The following SIRT1 variants were observed in gnomAD, a reference collection of about 807,000 sequenced individuals.
SIRT1 encodes the protein NAD-dependent protein deacetylase sirtuin-1.
SIRT1 carries 24 observed loss-of-function variants against 67.9 expected under a neutral mutation model. That is an observed-to-expected ratio of 0.35 (90% CI 0.26 to 0.50). SIRT1 has a LOEUF of 0.50. Among genes scored for constraint, SIRT1 ranks in the 20% least tolerant of loss-of-function variants. The probability of loss-of-function intolerance (pLI) is 0.98; values close to 1 mark genes in which losing one functional copy is unlikely to be tolerated. For missense variants in SIRT1, 873 were observed against 937.2 expected, an observed-to-expected ratio of 0.93 and a Z score of 0.89; for synonymous variants, 378 against 350.7, an observed-to-expected ratio of 1.08 and a Z score of -0.87.
At chr10:67,885,682 A>G (rs373936961) in intron 1 of SIRT1, among the ~76,000 whole-genome samples, 22 of 152,132 alleles carry the variant, frequency 1.4e-4, no homozygotes, top group East Asian at 9.6e-4. Context: ...AGCTGTTTCT[A>G]TAGTCACAGC....
intron 2 of SIRT1, among the ~76,000 whole-genome samples, chr10:67,888,053 AT>A (rs1489933046): frequency 1.3e-5 from 2 of 152,214 alleles, no homozygotes; most frequent in Non-Finnish European, 2.9e-5. Context: ...GGGAGCAGGA[AT>A]TTTTGACTGA....
intron 1 of SIRT1, among the ~76,000 whole-genome samples, chr10:67,886,780 A>G (rs560422028): frequency 6.6e-6 from 1 of 152,260 alleles, no homozygotes; most frequent in South Asian, 2.1e-4. Context: ...GTTTTTATGT[A>G]AATGTCCATT....
Position 67,897,155 on chromosome 10 carries a change from C to CA in SIRT1, c.942+5611dup, listed in dbSNP as rs1221154308. 2.7e-3 allele frequency among the ~76,000 whole-genome samples: 388 copies of CA among 145,240 alleles called. 3 individuals carry two copies. The highest frequency in any genetic ancestry group is 7.9e-3 in the African/African-American group (316 of 39,758). On this transcript the variant is annotated intron_variant, in intron 4 of 8. Coordinates refer to ENST00000212015, the MANE Select transcript of SIRT1 (RefSeq NM_012238.5). ...TGATTGACAGAGTGAGACTCCATCT[C>CA]AAAAAAAAAAGAAATTACTCTCTGA...
chr10:67,895,040 G>A (rs906131736), intron 4 of SIRT1, among the ~76,000 whole-genome samples: 5 of 151,946 alleles, frequency 3.3e-5, no homozygotes, highest in African/African-American at 4.8e-5. Context: ...TATGGTAATG[G>A]TTAAATCAGC....
intron 4 of SIRT1, among the ~76,000 whole-genome samples, chr10:67,899,816 G>A (rs1053534480): frequency 6.6e-6 from 1 of 152,044 alleles, no homozygotes; most frequent in Admixed American, 6.6e-5. Context: ...CAGGTGCGGT[G>A]GCTCACACCT....
chr10:67,909,284 C>A lies in SIRT1; in HGVS notation c.1199C>A (p.Ala400Asp). Residue 400 changes from alanine (A) to aspartate (D), a missense_variant, in exon 7 of 9, where the codon GCT (alanine) becomes GAT (aspartate). This residue lies in a region of SIRT1 where 251 missense variants were observed against 358.8 expected (regional missense o/e 0.70). Transcript: ENST00000212015. ...QVVPRCPRCP[A>D]DEPLAIMKPE... ...GTTCCTCGATGTCCTAGGTGCCCAG[C>A]TGATGAACCGCTTGCTATCATGAAA... The A allele has an allele frequency of 6.2e-7, 1 of 1,610,130 alleles. No homozygotes were observed. The highest frequency in any genetic ancestry group is 8.5e-7 in the Non-Finnish European group (1 of 1,178,494).
At chr10:67,909,822 GTC>G (rs1421794568) in intron 7 of SIRT1, among the ~76,000 whole-genome samples, 2 of 152,064 alleles carry the variant, frequency 1.3e-5, no homozygotes, top group South Asian at 4.2e-4. Flanking sequence ...TGATCCGCCT[GTC>G]TCTGCCTTCT....
intron 8 of SIRT1, among the ~76,000 whole-genome samples, chr10:67,914,549 C>T (rs1398867157): frequency 6.6e-6 from 1 of 152,210 alleles, no homozygotes. Flanking sequence ...AAAATTGCTA[C>T]TGACTTAGAT....
At chr10:67,889,833 C>G (rs1842540892) in intron 3 of SIRT1, among the ~76,000 whole-genome samples, 1 of 152,116 alleles carries the variant, frequency 6.6e-6, no homozygotes, top group Admixed American at 6.6e-5. Context: ...CTTAAATTGA[C>G]CTTGACTCCA....
intron 4 of SIRT1, among the ~76,000 whole-genome samples, chr10:67,898,946 A>G (rs996643517): frequency 2.6e-5 from 4 of 152,156 alleles, no homozygotes; most frequent in African/African-American, 4.8e-5. Flanking sequence ...ATGGTTATTT[A>G]TGAAGTGGTG....
intron 4 of SIRT1, among the ~76,000 whole-genome samples, chr10:67,904,700 C>G (rs1441162908): frequency 6.6e-6 from 1 of 151,984 alleles, no homozygotes; most frequent in East Asian, 1.9e-4. Flanking sequence ...ACAAAATTAG[C>G]TGGGGTGGTG....
intron 2 of SIRT1, among the ~76,000 whole-genome samples, chr10:67,888,555 C>T (rs1019738164): frequency 6.6e-6 from 1 of 152,006 alleles, no homozygotes; most frequent in Non-Finnish European, 1.5e-5. Context: ...TTTTCTATGT[C>T]GTAGAACCCT....
At chr10:67,903,726 T>G (rs937031742) in intron 4 of SIRT1, among the ~76,000 whole-genome samples, 1 of 152,166 alleles carries the variant, frequency 6.6e-6, no homozygotes, top group Non-Finnish European at 1.5e-5. Flanking sequence ...TTTGACCACG[T>G]TGGTTGCCTA....
chr10:67,913,834 C>T (rs1269159239), intron 8 of SIRT1, among the ~76,000 whole-genome samples: 1 of 152,140 alleles, frequency 6.6e-6, no homozygotes, highest in Non-Finnish European at 1.5e-5. Context: ...TTTTAGACAA[C>T]TGTATTTGAG....
chr10:67,908,008 C>T (rs202131309), intron 5 of SIRT1, 38 bp from the exon 6 acceptor site: 13 of 1,525,830 alleles, frequency 8.5e-6, no homozygotes, highest in Non-Finnish European at 1.2e-5. Flanking sequence ...AACAGAAATA[C>T]TTCTTTAATA....
At chr10:67,898,525 C>T (rs1205032513) in intron 4 of SIRT1, among the ~76,000 whole-genome samples, 1 of 152,078 alleles carries the variant, frequency 6.6e-6, no homozygotes, top group African/African-American at 2.4e-5. Flanking sequence ...CTAGAACAAG[C>T]TTATTAAAAA....
intron 4 of SIRT1, chr10:67,906,368 T>C: frequency 1.4e-6 from 2 of 1,427,864 alleles, no homozygotes; most frequent in Non-Finnish European, 1.9e-6. Flanking sequence ...ATTTTAAATA[T>C]TCTTGTATTG....
In SIRT1 at chr10:67,885,136, G is replaced by A; in HGVS notation, c.415G>A (p.Ala139Thr). The change falls in exon 1 of 9, where the codon GCG (alanine) becomes ACG (threonine). Residue 139 changes from alanine to threonine, a missense_variant. Physicochemically the swap from Ala to Thr is moderately conservative, Grantham distance 58. Transcript: ENST00000212015. ...GEEEEEAAAA[A>T]IGYRDNLLFG... The stretch of plus-strand genomic sequence containing the variant: ...GGAGGAGGAAGAGGCGGCGGCGGCG[G>A]CGATTGGGTACCGAGGTGCGCAGGG... 1 of 1,427,226 alleles carries A rather than the reference G, an allele frequency of 7.0e-7. No homozygotes were observed. Among genetic ancestry groups the A allele is most frequent in the Non-Finnish European group, 9.2e-7 (1 of 1,084,790 alleles). 88.4% of individuals were successfully genotyped at this position (1,427,226 alleles called of 1,614,324 possible). A position where few individuals can be genotyped will look rare whatever the true frequency, so the allele number is the denominator to read the frequency against.
rs199731447 is a variant in SIRT1, at chr10:67,912,772, T to A, written c.1656T>A (p.Ile552=). Residue 552 remains isoleucine (I), a synonymous_variant, in exon 8 of 9, where the codon ATT becomes ATA. Coordinates refer to ENST00000212015, the MANE Select transcript of SIRT1 (RefSeq NM_012238.5). Reference sequence around the variant, plus strand: ...CTTCACCACCAGATTCTTCAGTGATTGTCACACTTTTAGACCAAGCAGCTA... The same window carrying A: ...CTTCACCACCAGATTCTTCAGTGATAGTCACACTTTTAGACCAAGCAGCTA... ...ERTSPPDSSV[I]VTLLDQAAKS... is the part of the protein sequence containing the mutation. The A allele has an allele frequency of 7.4e-6, 12 of 1,614,026 alleles. No homozygotes were observed. Among genetic ancestry groups the A allele is most frequent in the Non-Finnish European group, 1.0e-5 (12 of 1,180,034 alleles).
Sources: allele counts gnomAD v4.1 joint callset (sites outside exome capture counted in the v4.1 genomes callset), GRCh38; gene constraint gnomAD v4.1.1; regional missense constraint gnomAD v4.1.1; transcripts MANE v1.5; gene names NCBI Gene and HGNC (gene_info 2026-07-23, HGNC 2026-07-21).